Variants in MALRD1 observed in about 807,000 individuals in gnomAD.
MALRD1 encodes the protein MAM and LDL receptor class A domain containing 1, also known as MAM and LDL-receptor class A domain-containing protein 1.
In MALRD1, 247 loss-of-function variants were observed where a neutral mutation model predicts 242.1. The observed-to-expected ratio is 1.02, with a 90% CI of 0.92 to 1.13. The LOEUF is 1.13. MALRD1 is among the 50% of genes most tolerant of loss of function. MALRD1 has a pLI of 0.00. For synonymous variants in MALRD1, 995 were observed against 866.6 expected (o/e 1.15, Z -2.60); for missense variants, 2,989 against 2,533.1 (o/e 1.18, Z -3.86).
chr10:19,713,269 A>C (rs556347842), intron 38 of MALRD1, among the ~76,000 whole-genome samples: 2 of 152,358 alleles, frequency 1.3e-5, no homozygotes, highest in African/African-American at 2.4e-5. Context: ...TCAAATTGCT[A>C]TGAATGTTTC....
intron 15 of MALRD1, 30 bp from the exon 16 acceptor site, chr10:19,204,278 A>C: frequency 8.7e-7 from 1 of 1,145,842 alleles, no homozygotes; most frequent in Non-Finnish European, 1.2e-6. Flanking sequence ...AGGTTAATGA[A>C]GCGTTTTTTT....
At chr10:19,528,571 G>A (rs1375387193) in intron 31 of MALRD1, among the ~76,000 whole-genome samples, 1 of 152,034 alleles carries the variant, frequency 6.6e-6, no homozygotes, top group African/African-American at 2.4e-5. Flanking sequence ...CCAGCCTGGC[G>A]ACAGAGCAAG....
intron 32 of MALRD1, among the ~76,000 whole-genome samples, chr10:19,539,289 A>G (rs968782690): frequency 2.0e-5 from 3 of 152,190 alleles, no homozygotes; most frequent in Non-Finnish European, 2.9e-5. Context: ...CCAAGGTCAT[A>G]GAGCTGGGCA....
intron 33 of MALRD1, among the ~76,000 whole-genome samples, chr10:19,587,179 C>A (rs1236612222): frequency 6.6e-6 from 1 of 152,210 alleles, no homozygotes; most frequent in African/African-American, 2.4e-5. Context: ...GCAGAAATCA[C>A]CCATCTTCTG....
At chr10:19,573,889 A>G (rs1836676492) in intron 33 of MALRD1, among the ~76,000 whole-genome samples, 1 of 152,152 alleles carries the variant, frequency 6.6e-6, no homozygotes, top group Admixed American at 6.5e-5. Flanking sequence ...GATTAACATT[A>G]TGGGCACTTA....
chr10:19,519,976 T>C (rs546692111), intron 31 of MALRD1, among the ~76,000 whole-genome samples: 3 of 152,254 alleles, frequency 2.0e-5, no homozygotes, highest in African/African-American at 7.2e-5. Context: ...TCCACCTAAA[T>C]AGAACATGTC....
rs1225023729 is a variant in MALRD1, at chr10:19,120,095, G to T, written c.695-3397G>T. 2.6e-5 allele frequency among the ~76,000 whole-genome samples: 4 copies of T among 152,218 alleles called. No individual in the cohort carries two copies. In the South Asian group the frequency reaches 6.2e-4, roughly 24 times the overall value. ...ATGAGTCACCAGCATTTAGGAAAGG[G>T]TTTAATAGCATGTGACTAGCTGATA... On this transcript the variant is annotated intron_variant, in intron 5 of 39. Coordinates refer to ENST00000454679, the MANE Select transcript of MALRD1 (RefSeq NM_001142308.3).
intron 18 of MALRD1, among the ~76,000 whole-genome samples, chr10:19,236,360 A>T (rs927536404): frequency 3.3e-5 from 5 of 152,274 alleles, no homozygotes; most frequent in Admixed American, 3.3e-4. Flanking sequence ...ATGTAGGTGT[A>T]ACCTAGAAGC....
At chr10:19,714,423 C>T (rs543123222) in intron 38 of MALRD1, among the ~76,000 whole-genome samples, 1 of 152,202 alleles carries the variant, frequency 6.6e-6, no homozygotes, top group East Asian at 1.9e-4. Flanking sequence ...GTTCTTCCAC[C>T]AGAGTGTTCC....
intron 10 of MALRD1, among the ~76,000 whole-genome samples, chr10:19,140,412 T>G (rs750505838): frequency 1.4e-4 from 22 of 152,284 alleles, no homozygotes; most frequent in Admixed American, 3.3e-4. Flanking sequence ...TAATCCTGTA[T>G]TAAATGAGGG....
chr10:19,260,174 C>T (rs1389895916), intron 19 of MALRD1, among the ~76,000 whole-genome samples: 1 of 152,144 alleles, frequency 6.6e-6, no homozygotes, highest in Non-Finnish European at 1.5e-5. Context: ...ATATGTCAGT[C>T]AGCTTTTGTT....
chr10:19,221,192 CA>C (rs1298548843), intron 18 of MALRD1, among the ~76,000 whole-genome samples: 1 of 152,068 alleles, frequency 6.6e-6, no homozygotes. Flanking sequence ...AATGGTACAT[CA>C]TTTTTTTAAT....
intron 13 of MALRD1, among the ~76,000 whole-genome samples, chr10:19,173,378 A>G (rs180894863): frequency 6.5e-4 from 99 of 152,186 alleles, no homozygotes; most frequent in African/African-American, 2.2e-3. Context: ...CTTTCCTGTC[A>G]TTTGTCATCA....
intron 7 of MALRD1, among the ~76,000 whole-genome samples, chr10:19,126,669 G>A (rs1485126595): frequency 3.3e-5 from 5 of 151,254 alleles, no homozygotes; most frequent in African/African-American, 1.2e-4. Context: ...GCTGTCTTTA[G>A]CATTATATTT....
chr10:19,546,847 A>G (rs1386274530), intron 32 of MALRD1, among the ~76,000 whole-genome samples: 1 of 152,100 alleles, frequency 6.6e-6, no homozygotes, highest in African/African-American at 2.4e-5. Flanking sequence ...CCAGTGGAAC[A>G]TTTTTGGAGA....
chr10:19,169,644 A>G (rs1281130832), intron 13 of MALRD1, among the ~76,000 whole-genome samples: 3 of 152,286 alleles, frequency 2.0e-5, no homozygotes, highest in South Asian at 2.1e-4. Flanking sequence ...CTCTGAGTGT[A>G]TTTTTAAAGA....
intron 9 of MALRD1, among the ~76,000 whole-genome samples, chr10:19,134,375 T>C (rs1833244978): frequency 6.6e-6 from 1 of 152,226 alleles, no homozygotes; most frequent in African/African-American, 2.4e-5. Context: ...GAAACATACA[T>C]AGGCTCAATA....
At chr10:19,568,159 A>T (rs911623166) in intron 33 of MALRD1, among the ~76,000 whole-genome samples, 3 of 152,130 alleles carry the variant, frequency 2.0e-5, no homozygotes, top group Non-Finnish European at 4.4e-5. Flanking sequence ...AAAGAAAAAA[A>T]AAGTTCTATT....
intron 36 of MALRD1, among the ~76,000 whole-genome samples, chr10:19,651,266 C>G (rs1840873082): frequency 1.3e-5 from 2 of 152,114 alleles, no homozygotes; most frequent in Admixed American, 1.3e-4. Flanking sequence ...GGGACTGGAG[C>G]ATCCTTGAAT....
Sources: gnomAD v4.1 joint callset for allele counts (sites outside exome capture counted in the v4.1 genomes callset) on GRCh38, gnomAD v4.1.1 for gene constraint, MANE v1.5 for transcripts, NCBI Gene and HGNC (gene_info 2026-07-23, HGNC 2026-07-21) for gene names.